The following EPN1 variants were observed in gnomAD, a reference collection of about 807,000 sequenced individuals.
EPN1 encodes the protein epsin 1, also known as epsin-1.
EPN1 carries 25 observed loss-of-function variants against 56.9 expected under a neutral mutation model. That is an observed-to-expected ratio of 0.44 (90% confidence interval 0.32 to 0.61). EPN1 has a LOEUF of 0.61. EPN1 is among the 20% of genes least tolerant of loss of function. EPN1 has a pLI of 0.05. For synonymous variants in EPN1, 411 were observed against 361.8 expected, an observed-to-expected ratio of 1.14 and a Z score of -1.54; for missense variants, 785 against 823.7, an observed-to-expected ratio of 0.95 and a Z score of 0.58.
Position 55,695,152 on chromosome 19 carries a change from C to T in EPN1, c.1527C>T (p.Gly509=). ...TCTGGTTTACTCTTCCTGCAGGAGGCCCAGCCACTGGCCCTTCCGTCACCA... is the reference window on the plus strand; with the variant it reads ...TCTGGTTTACTCTTCCTGCAGGAGGTCCAGCCACTGGCCCTTCCGTCACCA... ...KASNPFLPGG[G]PATGPSVTNP... The change falls in exon 11 of 11, where the codon GGC becomes GGT. Residue 509 remains glycine (G), a synonymous_variant. Transcript: ENST00000270460. This position sits in a 1 kb window ranked among gnomAD's most constrained non-coding sequence, Gnocchi z 4.4. The T allele has an allele frequency of 3.7e-6, 6 of 1,613,728 alleles. No individual in the cohort carries two copies. The highest frequency in any genetic ancestry group is 5.1e-6 in the Non-Finnish European group (6 of 1,179,786).
In EPN1 at chr19:55,706,119, A is replaced by T; in HGVS notation, c.*10763A>T. ...CCAGATTCTCTGCATGTGCAGGTTTATGAGACTGGAGAACTTTGATTTCTT... is the reference window on the plus strand; with the variant it reads ...CCAGATTCTCTGCATGTGCAGGTTTTTGAGACTGGAGAACTTTGATTTCTT... On this transcript the variant is annotated 3_prime_UTR_variant, in exon 11 of 11. Transcript: ENST00000270460. 4.2e-6 allele frequency: 1 copy of T among 239,524 alleles called. No individual in the cohort carries two copies. The allele number at this position is 239,524 out of a possible 1,614,324, so 14.8% of individuals were successfully genotyped here. A position where few individuals can be genotyped will look rare whatever the true frequency, so the allele number is the denominator to read the frequency against.
At position 55,704,560 on chromosome 19, in the gene EPN1, C is replaced by T. The variant is rs1392740651; in HGVS notation, c.*9204C>T. 1 of 152,208 alleles carries T rather than the reference C, an allele frequency of 6.6e-6. No homozygotes were observed. Among genetic ancestry groups the T allele is most frequent in the African/African-American group, 2.4e-5 (1 of 41,444 alleles). 9.4% of individuals were successfully genotyped at this position (152,208 alleles called of 1,614,324 possible). ...TGGTTTCCAGAACTGTGAGAAAATC[C>T]ATTGACGTTCTATAGCGCTCCCAGC... On this transcript the variant is annotated 3_prime_UTR_variant, in exon 11 of 11. Coordinates refer to ENST00000270460, the MANE Select transcript of EPN1 (RefSeq NM_001130072.2).
intron 1 of EPN1, among the ~76,000 whole-genome samples, chr19:55,677,946 C>T (rs1443773104): frequency 1.3e-5 from 2 of 152,238 alleles, no homozygotes; most frequent in East Asian, 3.8e-4. Context: ...CAGACATGTT[C>T]TCTGCCCCCA....
rs760757604 is a variant in EPN1, at chr19:55,694,884, C to CT, written c.1424dup (p.Pro477AlafsTer96). On this transcript the variant is annotated frameshift_variant, in exon 10 of 11. Transcript: ENST00000270460. LOFTEE classifies it high-confidence loss of function. The surrounding 1 kb of genome is among the most constrained non-coding windows in gnomAD (Gnocchi z 4.2). ...CACCCGGAAGACGCCGGAGTCATTCCTGGGGCCCAATGCAGCCCTCGTCGA... is the reference window on the plus strand; with the variant it reads ...CACCCGGAAGACGCCGGAGTCATTCCTTGGGGCCCAATGCAGCCCTCGTCGA... 1 of 1,602,198 alleles carries CT rather than the reference C, an allele frequency of 6.2e-7. No individual in the cohort carries two copies. Among genetic ancestry groups the CT allele is most frequent in the Admixed American group, 1.7e-5 (1 of 58,628 alleles).
chr19:55,680,280 A>G (rs569791916), intron 2 of EPN1, among the ~76,000 whole-genome samples: 19 of 152,300 alleles, frequency 1.2e-4, no homozygotes, highest in African/African-American at 4.6e-4. Flanking sequence ...GTCAAGGCAT[A>G]GAAGGTTTTT....
In EPN1 at chr19:55,675,317, G is replaced by T. The variant is rs1480406130; in HGVS notation, c.-220G>T. 2.6e-5 allele frequency: 4 copies of T among 151,934 alleles called. No individual in the cohort carries two copies. The East Asian group carries it at 7.8e-4, about 30-fold the overall frequency. 9.4% of individuals were successfully genotyped at this position (151,934 alleles called of 1,614,324 possible). A position where few individuals can be genotyped will look rare whatever the true frequency, so the allele number is the denominator to read the frequency against. ...CGGGGCGGCGGAGCCGTCGGCGTGCGGCCCTCCTTGCGTTCGTGCGTGCGC... is the reference window on the plus strand; with the variant it reads ...CGGGGCGGCGGAGCCGTCGGCGTGCTGCCCTCCTTGCGTTCGTGCGTGCGC... On this transcript the variant is annotated 5_prime_UTR_variant, in exon 1 of 11. Coordinates refer to ENST00000270460, the MANE Select transcript of EPN1 (RefSeq NM_001130072.2).
intron 2 of EPN1, among the ~76,000 whole-genome samples, chr19:55,679,462 A>G (rs549431139): frequency 1.2e-3 from 184 of 152,198 alleles, no homozygotes; most frequent in African/African-American, 4.0e-3. Context: ...GGGCCCATGG[A>G]GCCGATTCAC....
chr19:55,690,347 C>T (rs1333679564), intron 6 of EPN1, among the ~76,000 whole-genome samples: 1 of 152,264 alleles, frequency 6.6e-6, no homozygotes. Flanking sequence ...CCGTGTGCTG[C>T]ACACCCAGGG....
intron 3 of EPN1, among the ~76,000 whole-genome samples, chr19:55,688,079 G>T (rs1055822232): frequency 6.6e-6 from 1 of 152,188 alleles, no homozygotes; most frequent in African/African-American, 2.4e-5. Flanking sequence ...GGGCAGGAGA[G>T]GCAGGGTCCG....
In EPN1 at chr19:55,699,298, C is replaced by T. The variant is rs1037525333; in HGVS notation, c.*3942C>T. The T allele has an allele frequency of 6.6e-6, 1 of 152,166 alleles. No homozygotes were observed. Among genetic ancestry groups the T allele is most frequent in the African/African-American group, 2.4e-5 (1 of 41,420 alleles). 9.4% of individuals were successfully genotyped at this position (152,166 alleles called of 1,614,324 possible). A position where few individuals can be genotyped will look rare whatever the true frequency, so the allele number is the denominator to read the frequency against. ...AGTTTCTGTGCCCATTCCCAGGCAC[C>T]TTCTTGCAGCCGCAGGCATCTCCCC... is the stretch of plus-strand genomic sequence containing the variant. On this transcript the variant is annotated 3_prime_UTR_variant, in exon 11 of 11. Coordinates refer to ENST00000270460, the MANE Select transcript of EPN1 (RefSeq NM_001130072.2).
chr19:55,692,673 T>G lies in EPN1; in HGVS notation c.1067-13T>G, dbSNP rs1986642112. ...AGGTTGCCAGCCCCTCATGCTCTTC[T>G]GTCCTCACCCAGGTGGGGTCCCGGT... On this transcript the variant is annotated splice_polypyrimidine_tract_variant and intron_variant, in intron 7 of 10. Coordinates refer to ENST00000270460, the MANE Select transcript of EPN1 (RefSeq NM_001130072.2). 2 of 1,512,218 alleles carry G rather than the reference T, an allele frequency of 1.3e-6. No homozygotes were observed. Among genetic ancestry groups the G allele is most frequent in the Non-Finnish European group, 1.8e-6 (2 of 1,125,026 alleles). 93.7% of individuals were successfully genotyped at this position (1,512,218 alleles called of 1,614,324 possible).
rs761976240 is a variant in EPN1, at chr19:55,676,897, A to G, written c.-102+1462A>G. The G allele has an allele frequency of 1.1e-4, 40 of 353,824 alleles. 1 individual carries two copies. Among genetic ancestry groups the G allele is most frequent in the South Asian group, 2.4e-4 (5 of 21,188 alleles). 21.9% of individuals were successfully genotyped at this position (353,824 alleles called of 1,614,324 possible). ...CCTAGCTCCCTCTGCCCAGGTTTCT[A>G]TGTGTCTCTTTCTGTCAGAACTGTC... On this transcript the variant is annotated intron_variant, in intron 1 of 10. Coordinates refer to ENST00000270460, the MANE Select transcript of EPN1 (RefSeq NM_001130072.2).
rs893629718 is a variant in EPN1 at position 55,704,125 on chromosome 19, T to G, written c.*8769T>G. 4 of 152,400 alleles carry G rather than the reference T, an allele frequency of 2.6e-5. No homozygotes were observed. Among genetic ancestry groups the G allele is most frequent in the African/African-American group, 9.6e-5 (4 of 41,514 alleles). The allele number at this position is 152,400 out of a possible 1,614,324, so 9.4% of individuals were successfully genotyped here. On this transcript the variant is annotated 3_prime_UTR_variant, in exon 11 of 11. Coordinates refer to ENST00000270460, the MANE Select transcript of EPN1 (RefSeq NM_001130072.2). ...ACTCGTGGTCCCGGTCTCCTCCTGGTCCCCACCTTCCAGCCCAGCGCGCAC... is the reference window on the plus strand; with the variant it reads ...ACTCGTGGTCCCGGTCTCCTCCTGGGCCCCACCTTCCAGCCCAGCGCGCAC...
chr19:55,695,643 C>T lies in EPN1; in HGVS notation c.*287C>T, dbSNP rs1052292820. 2.2e-6 allele frequency: 1 copy of T among 464,578 alleles called. No homozygotes were observed. 28.8% of individuals were successfully genotyped at this position (464,578 alleles called of 1,614,324 possible). A position where few individuals can be genotyped will look rare whatever the true frequency, so the allele number is the denominator to read the frequency against. On this transcript the variant is annotated 3_prime_UTR_variant, in exon 11 of 11. Transcript: ENST00000270460. The surrounding 1 kb of genome is among the most constrained non-coding windows in gnomAD (Gnocchi z 4.4). Reference sequence around the variant, plus strand: ...ACCCATTCCCCCTCCCTCCAAACTCCCAACCCCCAGTCAGTGTTTGAGCCT... The same window carrying T: ...ACCCATTCCCCCTCCCTCCAAACTCTCAACCCCCAGTCAGTGTTTGAGCCT...
In EPN1 at chr19:55,709,477, C is replaced by T. The variant is rs1369298996; in HGVS notation, c.*14121C>T. On this transcript the variant is annotated 3_prime_UTR_variant, in exon 11 of 11. Coordinates refer to ENST00000270460, the MANE Select transcript of EPN1 (RefSeq NM_001130072.2). ...ACAATTACCAATATTCAGCCTCTTC[C>T]ATTTACAACCTGCCCATTTTCTAAG... The T allele has an allele frequency of 2.0e-5, 3 of 152,460 alleles. No homozygotes were observed. Among genetic ancestry groups the T allele is most frequent in the East Asian group, 3.8e-4 (2 of 5,206 alleles). The allele number at this position is 152,460 out of a possible 1,614,324, so 9.4% of individuals were successfully genotyped here.
At position 55,691,979 on chromosome 19, in the gene EPN1, T is replaced by G. The variant is rs756858015; in HGVS notation, c.988T>G (p.Ser330Ala). 3 of 1,499,868 alleles carry G rather than the reference T, an allele frequency of 2.0e-6. No individual in the cohort carries two copies. In the South Asian group the frequency reaches 4.0e-5, roughly 20 times the overall value. 92.9% of individuals were successfully genotyped at this position (1,499,868 alleles called of 1,614,324 possible). A position where few individuals can be genotyped will look rare whatever the true frequency, so the allele number is the denominator to read the frequency against. The part of the protein sequence containing the change: ...PWRPAAPAGP[S>A]VDPWGGTPAP... The stretch of plus-strand genomic sequence containing the variant: ...GAGGCCTGCTGCCCCTGCAGGACCC[T>G]CAGTTGACCCTTGGGGTGGGACCCC... Residue 330 changes from serine (S) to alanine (A), a missense_variant, in exon 7 of 11, where the codon TCA (serine) becomes GCA (alanine). Around this residue, in one of 2 missense-constraint regions of EPN1, gnomAD observed 650 missense variants for 605.0 expected, o/e 1.07. Transcript: ENST00000270460. This position sits in a 1 kb window ranked among gnomAD's most constrained non-coding sequence, Gnocchi z 5.6.
At chr19:55,677,246 C>A in intron 1 of EPN1, 1 of 1,283,424 alleles carries the variant, frequency 7.8e-7, no homozygotes, top group Non-Finnish European at 1.1e-6. Context: ...AGGGGCTGAA[C>A]CTCTGTGTCT....
rs762772140 is a variant in EPN1, at chr19:55,678,577, ATC to A, written c.-46_-45del. On this transcript the variant is annotated 5_prime_UTR_variant, in exon 2 of 11. Transcript: ENST00000270460. ...GCAGCCTTCGTCCGGGAGTCGCCCC[ATC>A]TCTCCACGCATCGGGGCCCTGTGCC... 2.2e-5 allele frequency: 35 copies of A among 1,565,928 alleles called. No individual in the cohort carries two copies. The highest frequency in any genetic ancestry group is 2.8e-5 in the Non-Finnish European group (33 of 1,157,938).
rs1270784353 is a variant in EPN1 at position 55,685,390 on chromosome 19, T to C, written c.229-6T>C. ...GCTGACCGGGCATCCCCGTGCCCGC[T>C]CGCAGGCCATGACGCTGATGGAGTA... On this transcript the variant is annotated splice_region_variant and splice_polypyrimidine_tract_variant and intron_variant, in intron 2 of 10. Coordinates refer to ENST00000270460, the MANE Select transcript of EPN1 (RefSeq NM_001130072.2). 6.2e-7 allele frequency: 1 copy of C among 1,608,974 alleles called. No individual in the cohort carries two copies. Among genetic ancestry groups the C allele is most frequent in the Admixed American group, 1.7e-5 (1 of 59,492 alleles).
Sources: gnomAD v4.1 joint callset for allele counts (sites outside exome capture counted in the v4.1 genomes callset) on GRCh38, gnomAD v4.1.1 for gene constraint, gnomAD v4.1.1 regional missense constraint, Gnocchi (gnomAD v3.1) non-coding constraint, MANE v1.5 for transcripts, NCBI Gene and HGNC (gene_info 2026-07-23, HGNC 2026-07-21) for gene names.